PHF19: variants seen among roughly 807,000 people sequenced by gnomAD.
PHF19 encodes PHD finger protein 19.
A neutral mutation model predicts 79.8 loss-of-function variants in PHF19; 21 were observed. The ratio of observed to expected loss-of-function variants is 0.26; its 90% CI spans 0.19 to 0.38. The LOEUF is 0.38. PHF19 is among the 10% of genes least tolerant of loss of function. PHF19 has a pLI of 1.00. For synonymous variants in PHF19, 273 were observed against 296.3 expected (o/e 0.92, Z 0.81); for missense variants, 445 against 744.2 (o/e 0.60, Z 4.68).
At chr9:120,880,811 T>A (rs930566907), upstream of PHF19, among the ~76,000 whole-genome samples, 1 of 151,526 alleles carries the variant, frequency 6.6e-6, no homozygotes, top group African/African-American at 2.4e-5. Context: ...AATACAAAAA[T>A]TAGCTGGGCA....
chr9:120,873,477 C>T (rs1356544170), intron 3 of PHF19, among the ~76,000 whole-genome samples: 1 of 152,234 alleles, frequency 6.6e-6, no homozygotes, highest in East Asian at 1.9e-4. Flanking sequence ...GCCTGGCTCA[C>T]CTCTGCTTTA....
At chr9:120,890,934 C>A (rs2046334148) in intron 1 of PHF19, among the ~76,000 whole-genome samples, 1 of 152,184 alleles carries the variant, frequency 6.6e-6, no homozygotes, top group East Asian at 1.9e-4. Context: ...TGTGTAGCCT[C>A]TTCTCCTACT....
the PHF19 span, among the ~76,000 whole-genome samples, chr9:120,900,481 A>G: frequency 6.6e-6 from 1 of 152,178 alleles, no homozygotes; most frequent in African/African-American, 2.4e-5. Context: ...ATCAACCAAA[A>G]TGTTCCCAGT....
the PHF19 span, among the ~76,000 whole-genome samples, chr9:120,902,010 T>C: frequency 6.6e-6 from 1 of 152,214 alleles, no homozygotes; most frequent in Non-Finnish European, 1.5e-5. Context: ...ATCGATGTCC[T>C]GAGACATTTG....
intron 9 of PHF19, among the ~76,000 whole-genome samples, chr9:120,864,747 T>TA (rs202214402): frequency 1.3e-5 from 2 of 151,858 alleles, no homozygotes; most frequent in African/African-American, 4.8e-5. Flanking sequence ...TAATGTATAC[T>TA]AAAAAAAAGA....
At position 120,869,076 on chromosome 9, in the gene PHF19, T is replaced by TCC; in HGVS notation, c.614+104_614+105dup. 3.3e-6 allele frequency: 4 copies of TCC among 1,207,430 alleles called. No individual in the cohort carries two copies. Among genetic ancestry groups the TCC allele is most frequent in the South Asian group, 1.6e-5 (1 of 64,478 alleles). The allele number at this position is 1,207,430 out of a possible 1,614,324, so 74.8% of individuals were successfully genotyped here. A position where few individuals can be genotyped will look rare whatever the true frequency, so the allele number is the denominator to read the frequency against. ...CAACACACTGGGCCCGCCCTCAAGG[T>TCC]CCCCGCCTTGGCTGACACGCCAGGC... On this transcript the variant is annotated intron_variant, in intron 6 of 14. Coordinates refer to ENST00000373896, the MANE Select transcript of PHF19 (RefSeq NM_015651.3). This position sits in a 1 kb window ranked among gnomAD's most constrained non-coding sequence, Gnocchi z 5.8.
chr9:120,858,844 C>CACACACAA (rs2045429057), intron 14 of PHF19, among the ~76,000 whole-genome samples: 1 of 151,884 alleles, frequency 6.6e-6, no homozygotes, highest in Non-Finnish European at 1.5e-5. Context: ...CACACACACA[C>CACACACAA]ACACACACAC....
In PHF19 at chr9:120,857,560, A is replaced by C. The variant is rs1335300064; in HGVS notation, c.*384T>G. On this transcript the variant is annotated 3_prime_UTR_variant, in exon 15 of 15. Coordinates refer to ENST00000373896, the MANE Select transcript of PHF19 (RefSeq NM_015651.3). ...GGATCCAGTGGAGGGACAGCTGTGC[A>C]CACACAGGATGTGCGAACACACCCA... is the stretch of plus-strand genomic sequence containing the variant. 1 of 183,160 alleles carries C rather than the reference A, an allele frequency of 5.5e-6. No individual in the cohort carries two copies. The highest frequency in any genetic ancestry group is 1.1e-5 in the Non-Finnish European group (1 of 89,212). 11.3% of individuals were successfully genotyped at this position (183,160 alleles called of 1,614,324 possible).
upstream of PHF19, among the ~76,000 whole-genome samples, chr9:120,877,576 CTTG>C (rs1196273552): frequency 6.6e-6 from 1 of 152,146 alleles, no homozygotes; most frequent in African/African-American, 2.4e-5. Context: ...CGCTCGCACA[CTTG>C]TTGAGGAAAC....
In PHF19 at chr9:120,870,676, C is replaced by T. The variant is rs2045869665; in HGVS notation, c.269-138G>A. The T allele has an allele frequency of 3.2e-6, 2 of 620,294 alleles. No homozygotes were observed. The highest frequency in any genetic ancestry group is 5.4e-5 in the Admixed American group (2 of 37,158). 38.4% of individuals were successfully genotyped at this position (620,294 alleles called of 1,614,324 possible). The stretch of plus-strand genomic sequence containing the variant: ...TGCCACCTCACTGAATCTCCCCAAC[C>T]ACTCTGAGATGCCTATCATCATTAC... On this transcript the variant is annotated intron_variant, in intron 3 of 14. Coordinates refer to ENST00000373896, the MANE Select transcript of PHF19 (RefSeq NM_015651.3). This position sits in a 1 kb window ranked among gnomAD's most constrained non-coding sequence, Gnocchi z 4.4.
rs182216744 is a variant in PHF19, at chr9:120,869,151, C to G, written c.614+31G>C. 3.2e-4 allele frequency: 512 copies of G among 1,584,820 alleles called. 3 individuals carry two copies. The East Asian group carries it at 9.5e-3, about 29-fold the overall frequency. Reference sequence around the variant, plus strand: ...TGGCGATTCTTGGAGACCTGCCCTGCCGCCCGGGGGGCCCTGACCCCCTGC... The same window carrying G: ...TGGCGATTCTTGGAGACCTGCCCTGGCGCCCGGGGGGCCCTGACCCCCTGC... On this transcript the variant is annotated intron_variant, in intron 6 of 14. Coordinates refer to ENST00000373896, the MANE Select transcript of PHF19 (RefSeq NM_015651.3). The surrounding 1 kb of genome is among the most constrained non-coding windows in gnomAD (Gnocchi z 5.8).
the PHF19 span, among the ~76,000 whole-genome samples, chr9:120,902,191 G>A: frequency 6.6e-6 from 1 of 152,104 alleles, no homozygotes; most frequent in African/African-American, 2.4e-5. Context: ...ACCCCCTGCG[G>A]AGACTTCATC....
Position 120,866,299 on chromosome 9 carries a change from C to T in PHF19, c.711-203G>A, listed in dbSNP as rs1347974330. ...TCCTTCTAACCCATGCCCTCAATCT[C>T]CTTCCCAAATCTTGCCCTGAAGCGT... is the stretch of plus-strand genomic sequence containing the variant. On this transcript the variant is annotated intron_variant, in intron 7 of 14. Coordinates refer to ENST00000373896, the MANE Select transcript of PHF19 (RefSeq NM_015651.3). This position sits in a 1 kb window ranked among gnomAD's most constrained non-coding sequence, Gnocchi z 5.2. Among the ~76,000 whole-genome samples the T allele has an allele frequency of 6.6e-6, 1 of 152,096 alleles. No homozygotes were observed. The highest frequency in any genetic ancestry group is 2.4e-5 in the African/African-American group (1 of 41,340).
intron 10 of PHF19, among the ~76,000 whole-genome samples, chr9:120,863,735 G>A (rs906869183): frequency 2.6e-5 from 4 of 152,128 alleles, no homozygotes; most frequent in African/African-American, 7.2e-5. Flanking sequence ...TAGCCCACCC[G>A]AGATGATGCA....
At chr9:120,903,401 G>T in the PHF19 span, 1 of 152,300 alleles carries the variant, frequency 6.6e-6, no homozygotes, top group Non-Finnish European at 1.5e-5. Flanking sequence ...GAGCCCAGCT[G>T]GCCTGGGTTT....
At chr9:120,889,274 A>T (rs2046308189) in intron 1 of PHF19, among the ~76,000 whole-genome samples, 1 of 152,044 alleles carries the variant, frequency 6.6e-6, no homozygotes, top group Admixed American at 6.6e-5. Flanking sequence ...AAAAATACAA[A>T]AATTAGCTGG....
rs975529674 is a variant in PHF19 at position 120,862,850 on chromosome 9, C to G, written c.969-101G>C. On this transcript the variant is annotated intron_variant, in intron 10 of 14. Transcript: ENST00000373896. This position sits in a 1 kb window ranked among gnomAD's most constrained non-coding sequence, Gnocchi z 4.6. ...CACAAGCCTCTCTGCCTCCTTGGAC[C>G]CAGAGCTAAAATCCGGATGGTCTCT... The G allele has an allele frequency of 4.9e-5, 55 of 1,132,374 alleles. No individual in the cohort carries two copies. Among genetic ancestry groups the G allele is most frequent in the Admixed American group, 1.7e-4 (9 of 54,406 alleles). 70.1% of individuals were successfully genotyped at this position (1,132,374 alleles called of 1,614,324 possible).
chr9:120,866,782 C>G lies in PHF19; in HGVS notation c.710+88G>C. ...TCACAGACCTCCTCTTGTCTGGAGC[C>G]TGGCAGTCAACCTGCAGGAGTTGTT... is the stretch of plus-strand genomic sequence containing the variant. On this transcript the variant is annotated intron_variant, in intron 7 of 14. Transcript: ENST00000373896. The surrounding 1 kb of genome is among the most constrained non-coding windows in gnomAD (Gnocchi z 5.2). 1.3e-6 allele frequency: 1 copy of G among 759,846 alleles called. No homozygotes were observed. Among genetic ancestry groups the G allele is most frequent in the Non-Finnish European group, 2.4e-6 (1 of 413,442 alleles). 47.1% of individuals were successfully genotyped at this position (759,846 alleles called of 1,614,324 possible). A position where few individuals can be genotyped will look rare whatever the true frequency, so the allele number is the denominator to read the frequency against.
intron 1 of PHF19, among the ~76,000 whole-genome samples, chr9:120,883,209 G>C (rs923395447): frequency 2.6e-5 from 4 of 152,212 alleles, no homozygotes; most frequent in African/African-American, 4.8e-5. Flanking sequence ...GTGAACCCAG[G>C]GGGTGTAGAA....
Sources: allele counts gnomAD v4.1 joint callset (sites outside exome capture counted in the v4.1 genomes callset), GRCh38; gene constraint gnomAD v4.1.1; non-coding constraint Gnocchi (gnomAD v3.1); transcripts MANE v1.5; gene names NCBI Gene and HGNC (gene_info 2026-07-23, HGNC 2026-07-21).